The following ITGA9 variants were observed in gnomAD, a reference collection of about 807,000 sequenced individuals.
ITGA9 encodes integrin alpha-9.
In ITGA9, 56 loss-of-function variants were observed where a neutral mutation model predicts 127.8. The observed-to-expected ratio is 0.44, with a 90% CI of 0.35 to 0.55. The LOEUF (loss-of-function observed/expected upper bound fraction) is 0.55, where lower values mean the gene tolerates loss of function less well. ITGA9 is among the 20% of genes least tolerant of loss of function. ITGA9 has a pLI of 0.00. For missense variants in ITGA9, 1,196 were observed against 1,347.1 expected (o/e 0.89, Z 1.76); for synonymous variants, 508 against 514.5 (o/e 0.99, Z 0.17).
At chr3:37,741,842 GCCACAACACAGGAGT>G in intron 21 of ITGA9, 23 bp downstream of exon 21, 1 of 1,591,640 alleles carries the variant, frequency 6.3e-7, no homozygotes, top group Non-Finnish European at 8.6e-7. Flanking sequence ...GTCCTGGGTT[GCCACAACACAGGAGT>G]GCCCTCCAGT....
At chr3:37,715,709 A>G (rs1179510401) in intron 18 of ITGA9, among the ~76,000 whole-genome samples, 1 of 152,222 alleles carries the variant, frequency 6.6e-6, no homozygotes, top group Non-Finnish European at 1.5e-5. Context: ...GTTTGCTTGA[A>G]ACTGGCTGCC....
At chr3:37,691,842 A>G (rs1053463658) in intron 18 of ITGA9, among the ~76,000 whole-genome samples, 21 of 152,230 alleles carry the variant, frequency 1.4e-4, no homozygotes, top group African/African-American at 4.8e-4. Context: ...TGTAGTGTCC[A>G]TGGAATTTTT....
chr3:37,647,078 TCC>T (rs1244760771), intron 16 of ITGA9, among the ~76,000 whole-genome samples: 1 of 152,034 alleles, frequency 6.6e-6, no homozygotes, highest in Non-Finnish European at 1.5e-5. Context: ...AACCTCAGGC[TCC>T]CCAGTGCGTG....
intron 14 of ITGA9, among the ~76,000 whole-genome samples, chr3:37,541,177 T>G (rs1699266163): frequency 6.6e-6 from 1 of 152,240 alleles, no homozygotes; most frequent in South Asian, 2.1e-4. Flanking sequence ...GCCAGTGGGC[T>G]CGGGGCTACT....
At chr3:37,566,279 T>G (rs888102019) in intron 15 of ITGA9, among the ~76,000 whole-genome samples, 19 of 152,178 alleles carry the variant, frequency 1.2e-4, no homozygotes, top group Admixed American at 1.2e-3. Flanking sequence ...AAGGGATTAA[T>G]GGGTAGTAGT....
intron 17 of ITGA9, among the ~76,000 whole-genome samples, chr3:37,676,085 G>C (rs1485076723): frequency 6.6e-6 from 1 of 151,970 alleles, no homozygotes; most frequent in African/African-American, 2.4e-5. Context: ...ATTTCCCCTG[G>C]ACGTCTACTT....
chr3:37,635,647 T>C (rs1352629772), intron 16 of ITGA9, among the ~76,000 whole-genome samples: 1 of 152,188 alleles, frequency 6.6e-6, no homozygotes, highest in Non-Finnish European at 1.5e-5. Flanking sequence ...ATTATTATTA[T>C]ACTTTAAGTT....
chr3:37,642,114 A>G (rs1191656458), intron 16 of ITGA9, among the ~76,000 whole-genome samples: 1 of 151,954 alleles, frequency 6.6e-6, no homozygotes, highest in African/African-American at 2.4e-5. Context: ...TTTAAAAAAA[A>G]AAATTTTTTT....
intron 17 of ITGA9, among the ~76,000 whole-genome samples, chr3:37,672,223 T>C (rs1700643208): frequency 6.6e-6 from 1 of 151,938 alleles, no homozygotes; most frequent in South Asian, 2.1e-4. Context: ...TGTCCCCACC[T>C]AAATCTCGTC....
intron 12 of ITGA9, among the ~76,000 whole-genome samples, chr3:37,525,245 T>A (rs530371609): frequency 3.9e-5 from 6 of 152,332 alleles, no homozygotes; most frequent in African/African-American, 1.4e-4. Flanking sequence ...AGGGTCTTGG[T>A]TTATAGCTTA....
At chr3:37,571,647 G>A (rs961804624) in intron 15 of ITGA9, among the ~76,000 whole-genome samples, 1 of 152,142 alleles carries the variant, frequency 6.6e-6, no homozygotes, top group Admixed American at 6.5e-5. Context: ...GCATTTCAAA[G>A]CACTTTCTGG....
intron 1 of ITGA9, among the ~76,000 whole-genome samples, chr3:37,463,883 C>G (rs1698342529): frequency 6.6e-6 from 1 of 152,014 alleles, no homozygotes; most frequent in Non-Finnish European, 1.5e-5. Flanking sequence ...GAGAGGCTCT[C>G]TAAAAGAAAA....
rs144938728 is a variant in ITGA9 at position 37,663,533 on chromosome 3, G to A, written c.1916+9743G>A. 3.1e-3 allele frequency among the ~76,000 whole-genome samples: 465 copies of A among 152,284 alleles called. 4 individuals are homozygous for A. Among genetic ancestry groups the A allele is most frequent in the Middle Eastern group, 0.01 (3 of 294 alleles). ...TCCCAAAACTGTTGGCTAGCTGAGG[G>A]ATGAGAGCTCCATCCATGAAAACCA... On this transcript the variant is annotated intron_variant, in intron 17 of 27. Transcript: ENST00000264741.
chr3:37,774,154 T>A (rs1696876539), intron 23 of ITGA9, among the ~76,000 whole-genome samples: 1 of 152,264 alleles, frequency 6.6e-6, no homozygotes, highest in Admixed American at 6.5e-5. Flanking sequence ...TTTCCTCATT[T>A]GTCTTGCAAG....
chr3:37,490,115 T>C (rs918903908), intron 4 of ITGA9, among the ~76,000 whole-genome samples: 2 of 151,866 alleles, frequency 1.3e-5, no homozygotes, highest in Non-Finnish European at 2.9e-5. Context: ...TGACTCAGGA[T>C]GATTTGGGTC....
intron 13 of ITGA9, 56 bp from the exon 14 acceptor site, chr3:37,533,258 G>A: frequency 6.6e-7 from 1 of 1,526,402 alleles, no homozygotes; most frequent in South Asian, 1.1e-5. Flanking sequence ...GTTCTTGTTT[G>A]GTTCTGAGAG....
intron 15 of ITGA9, among the ~76,000 whole-genome samples, chr3:37,554,800 G>C (rs1357000273): frequency 6.6e-6 from 1 of 152,212 alleles, no homozygotes; most frequent in African/African-American, 2.4e-5. Flanking sequence ...AGTTGTCACT[G>C]GTGGTGTTTT....
intron 24 of ITGA9, among the ~76,000 whole-genome samples, chr3:37,779,001 G>A (rs965131537): frequency 4.6e-5 from 7 of 151,178 alleles, no homozygotes; most frequent in East Asian, 3.9e-4. Context: ...AAATTTTGCC[G>A]TATAGATGAA....
At chr3:37,571,591 A>T (rs1413139124) in intron 15 of ITGA9, among the ~76,000 whole-genome samples, 1 of 152,090 alleles carries the variant, frequency 6.6e-6, no homozygotes, top group African/African-American at 2.4e-5. Context: ...GCTGGGCCCC[A>T]CCCCAGCGTT....
Sources: allele counts gnomAD v4.1 joint callset (sites outside exome capture counted in the v4.1 genomes callset), GRCh38; gene constraint gnomAD v4.1.1; transcripts MANE v1.5; gene names NCBI Gene and HGNC (gene_info 2026-07-23, HGNC 2026-07-21).